The following STAMBPL1 variants were observed in gnomAD, a reference collection of about 807,000 sequenced individuals.
STAMBPL1 encodes STAM binding protein like 1, also known as AMSH-like protease.
In STAMBPL1, 44 loss-of-function variants were observed where a neutral mutation model predicts 52.9. The ratio of observed to expected loss-of-function variants is 0.83; its 90% CI spans 0.65 to 1.07. The LOEUF (loss-of-function observed/expected upper bound fraction) is 1.07. STAMBPL1 is among the 50% of genes least tolerant of loss of function. The probability of loss-of-function intolerance (pLI) is 0.00; values close to 1 mark genes in which losing one functional copy is unlikely to be tolerated. For missense variants in STAMBPL1, 511 were observed against 520.8 expected (o/e 0.98, Z 0.18); for synonymous variants, 164 against 177.3 (o/e 0.92, Z 0.60).
At chr10:88,910,804 A>G in intron 4 of STAMBPL1, 112 bp from the exon 5 acceptor site, 1 of 640,284 alleles carries the variant, frequency 1.6e-6, no homozygotes, top group Non-Finnish European at 2.6e-6. Context: ...ATCTTTGGTT[A>G]CTCATGACTT....
At position 88,908,703 on chromosome 10, in the gene STAMBPL1, T is replaced by C. The variant is rs1845139048; in HGVS notation, c.250T>C (p.Leu84=). The change falls in exon 4 of 11, where the codon TTA becomes CTA. Residue 84 remains leucine, a splice_region_variant and synonymous_variant. Coordinates refer to ENST00000371926, the MANE Select transcript of STAMBPL1 (RefSeq NM_020799.4). ...AAGGACATGTTTTCTCTTCCTTAGC[T>C]TATTTGTAGAAAAGCTTCCTAACCA... is the stretch of plus-strand genomic sequence containing the variant. The part of the protein sequence containing the change: ...AFVLYNKFIT[L]FVEKLPNHRD... The C allele has an allele frequency of 6.2e-7, 1 of 1,609,316 alleles. No individual in the cohort carries two copies. The highest frequency in any genetic ancestry group is 1.1e-5 in the South Asian group (1 of 90,340).
intron 3 of STAMBPL1, among the ~76,000 whole-genome samples, 172 bp from the exon 4 acceptor site, chr10:88,908,530 C>A (rs189492738): frequency 8.9e-4 from 135 of 152,196 alleles, no homozygotes; most frequent in African/African-American, 3.1e-3. Flanking sequence ...CCATTAATAC[C>A]AAAATAATAC....
Position 88,891,557 on chromosome 10 carries a change from C to T in STAMBPL1, c.-53-10099C>T, listed in dbSNP as rs541905202. Among the ~76,000 whole-genome samples the T allele has an allele frequency of 8.9e-4, 136 of 152,116 alleles. 1 individual carries two copies. The highest frequency in any genetic ancestry group is 3.4e-3 in the Middle Eastern group (1 of 294). On this transcript the variant is annotated intron_variant, in intron 1 of 10. Transcript: ENST00000371926. Reference sequence around the variant, plus strand: ...AAATAGTATCGTGGAGAAACCTGACCGATATAACTTAAACAAATATCACGA... The same window carrying T: ...AAATAGTATCGTGGAGAAACCTGACTGATATAACTTAAACAAATATCACGA...
intron 9 of STAMBPL1, 86 bp from the exon 10 acceptor site, chr10:88,922,251 A>ATG: frequency 8.1e-7 from 1 of 1,227,472 alleles, no homozygotes; most frequent in Non-Finnish European, 1.2e-6. Flanking sequence ...TCTGAGGAAT[A>ATG]TGTATGTGTG....
At position 88,916,866 on chromosome 10, in the gene STAMBPL1, A is replaced by G. The variant is rs1225267974; in HGVS notation, c.1041+49A>G. On this transcript the variant is annotated intron_variant, in intron 8 of 10. Transcript: ENST00000371926. Reference sequence around the variant, plus strand: ...AGTTTTTTTGTGTGTGTGGCATGCTATTTTCCTCCTTGAAGAAAAGTTTAG... The same window carrying G: ...AGTTTTTTTGTGTGTGTGGCATGCTGTTTTCCTCCTTGAAGAAAAGTTTAG... 1.3e-5 allele frequency: 19 copies of G among 1,420,122 alleles called. No individual in the cohort carries two copies. The Middle Eastern group carries it at 5.6e-4, about 42-fold the overall frequency. The allele number at this position is 1,420,122 out of a possible 1,614,324, so 88.0% of individuals were successfully genotyped here. A position where few individuals can be genotyped will look rare whatever the true frequency, so the allele number is the denominator to read the frequency against.
At chr10:88,919,402 C>T (rs1589380498) in intron 8 of STAMBPL1, among the ~76,000 whole-genome samples, 1 of 152,172 alleles carries the variant, frequency 6.6e-6, no homozygotes, top group African/African-American at 2.4e-5. Flanking sequence ...ATGGGAGCCT[C>T]ATTCTCCCAT....
intron 7 of STAMBPL1, among the ~76,000 whole-genome samples, chr10:88,915,133 T>C (rs916422373): frequency 6.6e-6 from 1 of 152,176 alleles, no homozygotes; most frequent in African/African-American, 2.4e-5. Context: ...AACAAAAGCC[T>C]ATAAGCACAG....
At chr10:88,922,095 G>A (rs1260460061) in intron 9 of STAMBPL1, among the ~76,000 whole-genome samples, 3 of 151,950 alleles carry the variant, frequency 2.0e-5, no homozygotes, top group South Asian at 2.1e-4. Context: ...GGTCACACAC[G>A]ATAGCTTATT....
At chr10:88,895,195 A>G (rs1172218236) in intron 1 of STAMBPL1, among the ~76,000 whole-genome samples, 1 of 152,206 alleles carries the variant, frequency 6.6e-6, no homozygotes, top group East Asian at 1.9e-4. Flanking sequence ...GTGAAGTCAC[A>G]TGTTCAGCTG....
chr10:88,903,757 A>C (rs1845005712), intron 2 of STAMBPL1, among the ~76,000 whole-genome samples: 1 of 152,212 alleles, frequency 6.6e-6, no homozygotes, highest in Non-Finnish European at 1.5e-5. Context: ...AAGACTATAT[A>C]CTGAAGCCCG....
intron 1 of STAMBPL1, among the ~76,000 whole-genome samples, chr10:88,899,459 A>G (rs760103120): frequency 9.2e-5 from 14 of 152,302 alleles, no homozygotes; most frequent in Non-Finnish European, 2.1e-4. Context: ...TTTAAATTCT[A>G]TGCTCTCTCT....
In STAMBPL1 at chr10:88,914,568, G is replaced by T. The variant is rs1167420797; in HGVS notation, c.813G>T (p.Leu271Phe). The change falls in exon 7 of 11, where the codon TTG (leucine) becomes TTT (phenylalanine). Residue 271 changes from leucine to phenylalanine, a missense_variant. Around this residue, in one of 3 missense-constraint regions of STAMBPL1, gnomAD observed 358 missense variants for 343.5 expected, o/e 1.04. Transcript: ENST00000371926. The part of the protein sequence containing the change: ...LVVEGLRCVV[L>F]PEDLCHKFLQ... ...TTGAAGGACTGCGATGTGTAGTTTT[G>T]CCAGAAGATCTTTGCCACAAATTTC... The T allele has an allele frequency of 6.5e-7, 1 of 1,537,956 alleles. No individual in the cohort carries two copies. The highest frequency in any genetic ancestry group is 8.8e-7 in the Non-Finnish European group (1 of 1,140,332).
At chr10:88,919,121 G>A (rs1247162488) in intron 8 of STAMBPL1, among the ~76,000 whole-genome samples, 1 of 152,058 alleles carries the variant, frequency 6.6e-6, no homozygotes, top group African/African-American at 2.4e-5. Flanking sequence ...GGAATAAAAG[G>A]TCTGAAACAT....
chr10:88,892,656 G>C (rs1243061412), intron 1 of STAMBPL1, among the ~76,000 whole-genome samples: 1 of 152,198 alleles, frequency 6.6e-6, no homozygotes, highest in Non-Finnish European at 1.5e-5. Flanking sequence ...TGAAGAGATT[G>C]TCCAGTGCAA....
In STAMBPL1 at chr10:88,922,451, T is replaced by A. The variant is rs1845538379; in HGVS notation, c.1254+15T>A. Reference sequence around the variant, plus strand: ...GGCTGTTCAGTGTGAGTACATCATATTAGTTATTTTTCCAGGTATTTCTTG... The same window carrying A: ...GGCTGTTCAGTGTGAGTACATCATAATAGTTATTTTTCCAGGTATTTCTTG... On this transcript the variant is annotated intron_variant, in intron 10 of 10. Transcript: ENST00000371926. The A allele has an allele frequency of 6.2e-7, 1 of 1,611,180 alleles. No individual in the cohort carries two copies. Among genetic ancestry groups the A allele is most frequent in the Non-Finnish European group, 8.5e-7 (1 of 1,178,086 alleles).
Position 88,913,372 on chromosome 10 carries a change from A to T in STAMBPL1, c.692A>T (p.Asn231Ile), listed in dbSNP as rs765958869. Residue 231 changes from asparagine (N) to isoleucine (I), a missense_variant, in exon 6 of 11, where the codon AAT (asparagine) becomes ATT (isoleucine). Physicochemically the swap from Asn to Ile is moderately radical, Grantham distance 149. Transcript: ENST00000371926. ...SLLNVFADQP[N>I]KSDATNYASH... ...CTGAATGTATTTGCAGATCAACCTAATAAAAGTGATGCAACCAATTATGCT... is the reference window on the plus strand; with the variant it reads ...CTGAATGTATTTGCAGATCAACCTATTAAAAGTGATGCAACCAATTATGCT... 6.2e-7 allele frequency: 1 copy of T among 1,613,848 alleles called. No homozygotes were observed.
At chr10:88,898,702 C>T (rs773643487) in intron 1 of STAMBPL1, among the ~76,000 whole-genome samples, 7 of 152,128 alleles carry the variant, frequency 4.6e-5, no homozygotes, top group Non-Finnish European at 1.0e-4. Context: ...ACATTTCATA[C>T]ATATAGAAGC....
rs1844945411 is a variant in STAMBPL1, at chr10:88,901,640, C to T, written c.-53-16C>T. 6.5e-7 allele frequency: 1 copy of T among 1,540,406 alleles called. No homozygotes were observed. Among genetic ancestry groups the T allele is most frequent in the Non-Finnish European group, 8.8e-7 (1 of 1,132,816 alleles). On this transcript the variant is annotated splice_polypyrimidine_tract_variant and intron_variant, in intron 1 of 10. Transcript: ENST00000371926. ...TCAAAAAATAACTTTAGTTCTGCTT[C>T]TTGTTTTTGAAACAGATGAAGTGAT...
At chr10:88,905,372 C>A in intron 2 of STAMBPL1, 71 bp from the exon 3 acceptor site, 2 of 1,190,340 alleles carry the variant, frequency 1.7e-6, no homozygotes, top group Non-Finnish European at 2.5e-6. Flanking sequence ...GAACATATGT[C>A]CATAATATTA....
Sources: gnomAD v4.1 joint callset for allele counts (sites outside exome capture counted in the v4.1 genomes callset) on GRCh38, gnomAD v4.1.1 for gene constraint, gnomAD v4.1.1 regional missense constraint, MANE v1.5 for transcripts, NCBI Gene and HGNC (gene_info 2026-07-23, HGNC 2026-07-21) for gene names.